Variants in FOXP2 observed in about 807,000 individuals in gnomAD.
The protein encoded by FOXP2 is forkhead box P2.
In FOXP2, 12 loss-of-function variants were observed where a neutral mutation model predicts 115.8. The observed-to-expected ratio is 0.10, with a 90% CI of 0.07 to 0.17. FOXP2 has a LOEUF of 0.17. FOXP2 is among the 10% of genes least tolerant of loss of function. The probability of loss-of-function intolerance (pLI) is 1.00; values close to 1 mark genes in which losing one functional copy is unlikely to be tolerated. For synonymous variants in FOXP2, 328 were observed against 297.7 expected (o/e 1.10, Z -1.05); for missense variants, 629 against 843.5 (o/e 0.75, Z 3.15).
chr7:114,089,483 A>G (rs1199446840), intron 1 of FOXP2, among the ~76,000 whole-genome samples: 1 of 152,062 alleles, frequency 6.6e-6, no homozygotes, highest in African/African-American at 2.4e-5. Context: ...TTATAATGTT[A>G]GGAATTGCCT....
intron 1 of FOXP2, among the ~76,000 whole-genome samples, chr7:114,189,331 A>G (rs1212285970): frequency 6.6e-6 from 1 of 152,208 alleles, no homozygotes; most frequent in Non-Finnish European, 1.5e-5. Context: ...GAGTAAGTCA[A>G]CAGCCTTTTA....
At chr7:114,353,263 C>T (rs1163738598) in intron 2 of FOXP2, among the ~76,000 whole-genome samples, 1 of 149,380 alleles carries the variant, frequency 6.7e-6, no homozygotes, top group South Asian at 2.1e-4. Flanking sequence ...CCAGGGCTCC[C>T]TTTTTTTCCA....
intron 1 of FOXP2, among the ~76,000 whole-genome samples, chr7:114,221,783 G>A (rs1017697270): frequency 1.3e-5 from 2 of 152,150 alleles, no homozygotes; most frequent in Non-Finnish European, 2.9e-5. Context: ...TGAAATATCT[G>A]ATAAGTTAAT....
In FOXP2 at chr7:114,212,651, T is replaced by C. The variant is rs193302615; in HGVS notation, c.-102+49563T>C. On this transcript the variant is annotated intron_variant, in intron 1 of 17. Transcript: ENST00000634411. ...TTCCTCTTCCAAGTATTTTTGTTTT[T>C]TCTGTAGTTGTTTTTTACCCTGCCT... Among the ~76,000 whole-genome samples the C allele has an allele frequency of 4.0e-3, 605 of 152,348 alleles. 17 individuals are homozygous for C. Among genetic ancestry groups the C allele is most frequent in the Admixed American group, 0.033 (504 of 15,298 alleles).
intron 1 of FOXP2, among the ~76,000 whole-genome samples, chr7:114,233,645 T>G (rs1284540856): frequency 6.6e-6 from 1 of 152,206 alleles, no homozygotes; most frequent in Non-Finnish European, 1.5e-5. Context: ...ATTAAACAAT[T>G]GCTTCCACAA....
chr7:114,540,119 A>G (rs899605977), intron 3 of FOXP2, among the ~76,000 whole-genome samples: 1 of 152,052 alleles, frequency 6.6e-6, no homozygotes, highest in African/African-American at 2.4e-5. Flanking sequence ...TCTATATCAT[A>G]GCATTTGGCC....
At chr7:114,425,709 T>C (rs1434654150) in intron 1 of FOXP2, among the ~76,000 whole-genome samples, 2 of 151,690 alleles carry the variant, frequency 1.3e-5, no homozygotes, top group African/African-American at 2.4e-5. Flanking sequence ...TAATTTTATA[T>C]CTTTCATTTA....
chr7:114,498,426 A>G (rs1288911287), intron 2 of FOXP2, among the ~76,000 whole-genome samples: 2 of 152,210 alleles, frequency 1.3e-5, no homozygotes, highest in Non-Finnish European at 2.9e-5. Flanking sequence ...TTAGAAAGGT[A>G]ATCATCTAAG....
At chr7:114,372,141 A>G (rs1054231150) in intron 2 of FOXP2, among the ~76,000 whole-genome samples, 2 of 152,328 alleles carry the variant, frequency 1.3e-5, no homozygotes, top group East Asian at 3.9e-4. Context: ...TATTATAGCT[A>G]GTAAACAGTA....
At chr7:114,231,885 A>G (rs1371936958) in intron 1 of FOXP2, among the ~76,000 whole-genome samples, 2 of 152,208 alleles carry the variant, frequency 1.3e-5, no homozygotes, top group East Asian at 3.8e-4. Flanking sequence ...ATTAAACTAA[A>G]AAGTTTCAGT....
At chr7:114,157,602 G>T (rs373756891) in intron 1 of FOXP2, among the ~76,000 whole-genome samples, 1 of 152,068 alleles carries the variant, frequency 6.6e-6, no homozygotes, top group African/African-American at 2.4e-5. Flanking sequence ...GTTTTATTTG[G>T]TAGGTATTCA....
At chr7:114,494,454 G>A (rs1797218044) in intron 2 of FOXP2, among the ~76,000 whole-genome samples, 1 of 151,940 alleles carries the variant, frequency 6.6e-6, no homozygotes, top group African/African-American at 2.4e-5. Context: ...CAAGTAGCTG[G>A]GATTACAAAT....
rs1362716149 is a variant in FOXP2, at chr7:114,693,105, T to C, written c.*3179T>C. On this transcript the variant is annotated 3_prime_UTR_variant, in exon 17 of 17. Coordinates refer to ENST00000350908, the MANE Select transcript of FOXP2 (RefSeq NM_014491.4). ...TTAAACCTAGTGGGCTTAAGGCTTATATTCTATGTGGTTGGATTCGTGGCA... is the reference window on the plus strand; with the variant it reads ...TTAAACCTAGTGGGCTTAAGGCTTACATTCTATGTGGTTGGATTCGTGGCA... 2.2e-6 allele frequency: 1 copy of C among 453,828 alleles called. No homozygotes were observed. The highest frequency in any genetic ancestry group is 4.4e-6 in the Non-Finnish European group (1 of 226,684). The allele number at this position is 453,828 out of a possible 1,614,324, so 28.1% of individuals were successfully genotyped here.
chr7:114,297,346 G>T, intron 2 of FOXP2: 2 of 669,830 alleles, frequency 3.0e-6, no homozygotes, highest in East Asian at 3.9e-5. Context: ...CCGTGGTGGC[G>T]GCTGTGCCTG....
chr7:114,310,730 A>G (rs897783315), intron 2 of FOXP2, among the ~76,000 whole-genome samples: 3 of 151,898 alleles, frequency 2.0e-5, no homozygotes, highest in African/African-American at 4.8e-5. Context: ...AAGGGGTGAA[A>G]TTACACATCT....
chr7:114,494,889 C>T (rs1289921599), intron 2 of FOXP2, among the ~76,000 whole-genome samples: 1 of 152,038 alleles, frequency 6.6e-6, no homozygotes, highest in East Asian at 1.9e-4. Context: ...TTAACAAAGG[C>T]CATATCAGTT....
chr7:114,486,111 A>G (rs1324933203), intron 2 of FOXP2, among the ~76,000 whole-genome samples: 2 of 152,162 alleles, frequency 1.3e-5, no homozygotes, highest in Non-Finnish European at 2.9e-5. Context: ...ACATGTCTGT[A>G]TTAGTTCTCA....
chr7:114,692,883 TC>T lies in FOXP2; in HGVS notation c.*2958del. Reference sequence around the variant, plus strand: ...TACTTTTCATTACTGTGTACTATGTTCATACTTTGAATTCTCTGACGTTAGA... The same window carrying T: ...TACTTTTCATTACTGTGTACTATGTTATACTTTGAATTCTCTGACGTTAGA... On this transcript the variant is annotated 3_prime_UTR_variant, in exon 17 of 17. Coordinates refer to ENST00000350908, the MANE Select transcript of FOXP2 (RefSeq NM_014491.4). 1 of 454,198 alleles carries T rather than the reference TC, an allele frequency of 2.2e-6. No homozygotes were observed. The highest frequency in any genetic ancestry group is 1.6e-5 in the South Asian group (1 of 64,466). 28.1% of individuals were successfully genotyped at this position (454,198 alleles called of 1,614,324 possible).
At chr7:114,178,086 C>T (rs1793365108) in intron 1 of FOXP2, among the ~76,000 whole-genome samples, 1 of 151,880 alleles carries the variant, frequency 6.6e-6, no homozygotes, top group Non-Finnish European at 1.5e-5. Flanking sequence ...AATGATGCCT[C>T]TCTAAAAACA....
Sources: gnomAD v4.1 joint callset for allele counts (sites outside exome capture counted in the v4.1 genomes callset) on GRCh38, gnomAD v4.1.1 for gene constraint, MANE v1.5 for transcripts, NCBI Gene and HGNC (gene_info 2026-07-23, HGNC 2026-07-21) for gene names.